Variants in TEKT3 observed in about 807,000 individuals in gnomAD.
TEKT3 encodes the protein tektin-3.
TEKT3 carries 49 observed loss-of-function variants against 49.8 expected under a neutral mutation model. The ratio of observed to expected loss-of-function variants is 0.98; its 90% CI spans 0.78 to 1.25. The LOEUF is 1.25. Among genes scored for constraint, TEKT3 ranks in the 50% most tolerant of loss-of-function variants. The pLI is 0.00. For missense variants in TEKT3, 595 were observed against 629.5 expected, an observed-to-expected ratio of 0.95 and a Z score of 0.59; for synonymous variants, 225 against 237.2, an observed-to-expected ratio of 0.95 and a Z score of 0.47.
chr17:15,309,142 C>A lies in TEKT3; in HGVS notation c.1102-324G>T, dbSNP rs564658390. 2.6e-5 allele frequency among the ~76,000 whole-genome samples: 4 copies of A among 152,134 alleles called. 1 individual carries two copies. Among genetic ancestry groups the A allele is most frequent in the Non-Finnish European group, 5.9e-5 (4 of 68,024 alleles). Reference sequence around the variant, plus strand: ...ATTGGCAAATGCTCCAAATTAGGGGCTCCCTGCAAGCTGCCCCCAATGGCC... The same window carrying A: ...ATTGGCAAATGCTCCAAATTAGGGGATCCCTGCAAGCTGCCCCCAATGGCC... On this transcript the variant is annotated intron_variant, in intron 7 of 8. Transcript: ENST00000395930.
intron 2 of TEKT3, among the ~76,000 whole-genome samples, chr17:15,339,064 G>A (rs1279137449): frequency 6.6e-6 from 1 of 152,140 alleles, no homozygotes; most frequent in East Asian, 1.9e-4. Context: ...AGACTTTTAA[G>A]AGGTGATTAT....
rs147096671 is a variant in TEKT3, at chr17:15,317,094, G to A, written c.734+1983C>T. On this transcript the variant is annotated intron_variant, in intron 5 of 8. Coordinates refer to ENST00000395930, the MANE Select transcript of TEKT3 (RefSeq NM_031898.3). ...CTGCCCTGGACAGATCACAGTGGCC[G>A]CCCCACAAATCCTGGAGAAGCCATC... Among the ~76,000 whole-genome samples, 87 of 152,214 alleles carry A rather than the reference G, an allele frequency of 5.7e-4. 1 individual carries two copies. The highest frequency in any genetic ancestry group is 1.1e-3 in the Non-Finnish European group (77 of 68,016).
At position 15,320,093 on chromosome 17, in the gene TEKT3, A is replaced by C. The variant is rs905380090; in HGVS notation, c.664-946T>G. 3.9e-5 allele frequency among the ~76,000 whole-genome samples: 6 copies of C among 152,276 alleles called. No individual in the cohort carries two copies. The East Asian group carries it at 1.2e-3, about 29-fold the overall frequency. The stretch of plus-strand genomic sequence containing the variant: ...TTTCAGAAAAGTGGTACTCATTTAC[A>C]ACAACAAATGAACACGTGTTTTCTT... On this transcript the variant is annotated intron_variant, in intron 4 of 8. Transcript: ENST00000395930.
intron 3 of TEKT3, among the ~76,000 whole-genome samples, chr17:15,330,193 G>A (rs562850893): frequency 1.2e-4 from 19 of 152,282 alleles, no homozygotes; most frequent in African/African-American, 3.1e-4. Context: ...TACAGGAGGC[G>A]TTTCATGATA....
At chr17:15,311,711 C>T (rs755687786) in intron 7 of TEKT3, among the ~76,000 whole-genome samples, 32 of 152,146 alleles carry the variant, frequency 2.1e-4, no homozygotes, top group South Asian at 4.1e-4. Flanking sequence ...AGCTCCAAGA[C>T]TGATATGAAG....
chr17:15,308,924 C>T (rs140300065), intron 7 of TEKT3, 106 bp from the exon 8 acceptor site: 221 of 1,372,782 alleles, frequency 1.6e-4, no homozygotes, highest in Non-Finnish European at 1.9e-4. Flanking sequence ...GCCTTGACCT[C>T]GCTGATGAGG....
At chr17:15,311,812 C>T (rs997674210) in intron 7 of TEKT3, among the ~76,000 whole-genome samples, 3 of 152,154 alleles carry the variant, frequency 2.0e-5, no homozygotes, top group Non-Finnish European at 4.4e-5. Context: ...ATGCTTTCAG[C>T]ACTTAAAATT....
intron 6 of TEKT3, 134 bp downstream of exon 6, chr17:15,313,953 T>C (rs1910881179): frequency 1.6e-6 from 2 of 1,283,400 alleles, no homozygotes; most frequent in Non-Finnish European, 2.2e-6. Context: ...TGGAGACTTG[T>C]CCAAAGCTGG....
Position 15,304,627 on chromosome 17 carries a change from G to T in TEKT3, c.1257-475C>A, listed in dbSNP as rs1296629718. Among the ~76,000 whole-genome samples the T allele has an allele frequency of 6.6e-6, 1 of 152,102 alleles. No individual in the cohort carries two copies. The highest frequency in any genetic ancestry group is 1.5e-5 in the Non-Finnish European group (1 of 68,022). ...AAGAAGGAAATTCAGCGCTTCAGTG[G>T]CCATAATAAGAAACTGGGTCCCATT... On this transcript the variant is annotated intron_variant, in intron 8 of 8. Coordinates refer to ENST00000395930, the MANE Select transcript of TEKT3 (RefSeq NM_031898.3). The surrounding 1 kb of genome is among the most constrained non-coding windows in gnomAD (Gnocchi z 4.7).
At chr17:15,309,936 G>C (rs368802293) in intron 7 of TEKT3, among the ~76,000 whole-genome samples, 2 of 152,116 alleles carry the variant, frequency 1.3e-5, no homozygotes, top group Non-Finnish European at 2.9e-5. Context: ...GCAAGGCTTT[G>C]TCCTTGGGTG....
intron 5 of TEKT3, among the ~76,000 whole-genome samples, chr17:15,318,709 T>C (rs547037069): frequency 9.9e-5 from 15 of 152,124 alleles, no homozygotes; most frequent in Admixed American, 2.0e-4. Context: ...GGCTAATTTG[T>C]ATCTTTTATC....
intron 2 of TEKT3, among the ~76,000 whole-genome samples, chr17:15,335,422 A>G (rs140111568): frequency 6.6e-6 from 1 of 152,330 alleles, no homozygotes; most frequent in East Asian, 1.9e-4. Context: ...CAGACTAACT[A>G]GATTGGAGGG....
intron 4 of TEKT3, among the ~76,000 whole-genome samples, chr17:15,323,457 G>A (rs998929926): frequency 3.3e-5 from 5 of 151,978 alleles, no homozygotes; most frequent in East Asian, 1.9e-4. Flanking sequence ...GAGTCAGTAC[G>A]GTCTGGGAGT....
At chr17:15,314,759 A>T (rs1910931000) in intron 5 of TEKT3, among the ~76,000 whole-genome samples, 1 of 152,196 alleles carries the variant, frequency 6.6e-6, no homozygotes, top group Non-Finnish European at 1.5e-5. Flanking sequence ...GTGGCTAAGA[A>T]GTTTGCCAGG....
intron 7 of TEKT3, among the ~76,000 whole-genome samples, chr17:15,311,662 C>T (rs1910776773): frequency 1.3e-5 from 2 of 152,094 alleles, no homozygotes; most frequent in South Asian, 2.1e-4. Flanking sequence ...AAATAAGACA[C>T]AACAAACTAT....
chr17:15,328,647 T>C (rs1400772043), intron 3 of TEKT3, among the ~76,000 whole-genome samples: 1 of 152,210 alleles, frequency 6.6e-6, no homozygotes, highest in South Asian at 2.1e-4. Context: ...TACTACTTTG[T>C]TCGTCTTAAC....
intron 3 of TEKT3, among the ~76,000 whole-genome samples, chr17:15,328,851 A>G (rs1911594134): frequency 6.6e-6 from 1 of 152,208 alleles, no homozygotes; most frequent in South Asian, 2.1e-4. Flanking sequence ...TTTCTCGAAG[A>G]CTATTCCATA....
At chr17:15,315,884 G>A (rs75061889) in intron 5 of TEKT3, among the ~76,000 whole-genome samples, 1,556 of 152,318 alleles carry the variant, frequency 0.01, 23 homozygotes, top group African/African-American at 0.035. Context: ...CCTAAAAATG[G>A]TTTTGGTAGA....
intron 6 of TEKT3, among the ~76,000 whole-genome samples, chr17:15,312,814 A>C (rs932433015): frequency 6.6e-6 from 1 of 152,252 alleles, no homozygotes; most frequent in African/African-American, 2.4e-5. Flanking sequence ...ACTCAGCCTC[A>C]AGGGTAATCA....
Sources: gnomAD v4.1 joint callset for allele counts (sites outside exome capture counted in the v4.1 genomes callset) on GRCh38, gnomAD v4.1.1 for gene constraint, Gnocchi (gnomAD v3.1) non-coding constraint, MANE v1.5 for transcripts, NCBI Gene and HGNC (gene_info 2026-07-23, HGNC 2026-07-21) for gene names.